The following KPNA3 variants were observed in gnomAD, a reference collection of about 807,000 sequenced individuals.
The protein encoded by KPNA3 is karyopherin subunit alpha 3, also known as importin subunit alpha-4.
Under a neutral mutation model 73.8 loss-of-function variants are expected in KPNA3, and 13 were observed. The observed-to-expected ratio is 0.18, with a 90% CI of 0.11 to 0.28. The LOEUF (loss-of-function observed/expected upper bound fraction) is 0.28. KPNA3 is among the 10% of genes least tolerant of loss of function. The pLI is 1.00. For synonymous variants in KPNA3, 186 were observed against 206.9 expected, an observed-to-expected ratio of 0.90 and a Z score of 0.87; for missense variants, 360 against 618.1, an observed-to-expected ratio of 0.58 and a Z score of 4.43.
intron 7 of KPNA3, among the ~76,000 whole-genome samples, chr13:49,723,642 C>T (rs569366619): frequency 2.6e-4 from 39 of 151,260 alleles, no homozygotes; most frequent in African/African-American, 9.0e-4. Flanking sequence ...GGAAGCGAGG[C>T]GGGCAGATCA....
chr13:49,776,119 T>C (rs181354224), intron 1 of KPNA3, among the ~76,000 whole-genome samples: 108 of 152,362 alleles, frequency 7.1e-4, no homozygotes, highest in Non-Finnish European at 8.8e-5. Context: ...TTTCGCCATG[T>C]TGACCAGGCT....
chr13:49,760,150 C>T (rs564642864), intron 1 of KPNA3, among the ~76,000 whole-genome samples: 9 of 152,184 alleles, frequency 5.9e-5, no homozygotes, highest in Admixed American at 2.6e-4. Flanking sequence ...CAGCCGGGCA[C>T]GGTGGCTCAT....
In KPNA3 at chr13:49,764,472, A is replaced by G. The variant is rs1049216167; in HGVS notation, c.70-17479T>C. 1.4e-4 allele frequency among the ~76,000 whole-genome samples: 21 copies of G among 152,126 alleles called. 1 individual carries two copies. Among genetic ancestry groups the G allele is most frequent in the Non-Finnish European group, 2.5e-4 (17 of 68,032 alleles). On this transcript the variant is annotated intron_variant, in intron 1 of 16. Coordinates refer to ENST00000261667, the MANE Select transcript of KPNA3 (RefSeq NM_002267.4). Reference sequence around the variant, plus strand: ...CCCCTTCCAAATCGTCCTTCCTCTCAGCAGAAGACCAGGCCTCATATTTAT... The same window carrying G: ...CCCCTTCCAAATCGTCCTTCCTCTCGGCAGAAGACCAGGCCTCATATTTAT...
At chr13:49,702,818 C>T (rs1053924331) in intron 15 of KPNA3, among the ~76,000 whole-genome samples, 1 of 152,172 alleles carries the variant, frequency 6.6e-6, no homozygotes, top group African/African-American at 2.4e-5. Flanking sequence ...AAGTTTGTGA[C>T]AGTACTAGAA....
At chr13:49,757,961 C>T (rs1195546445) in intron 1 of KPNA3, among the ~76,000 whole-genome samples, 2 of 152,086 alleles carry the variant, frequency 1.3e-5, no homozygotes, top group African/African-American at 4.8e-5. Flanking sequence ...TATTTTACAA[C>T]TGCATGTCAA....
At chr13:49,752,924 G>A (rs2137574319) in intron 1 of KPNA3, among the ~76,000 whole-genome samples, 1 of 150,790 alleles carries the variant, frequency 6.6e-6, no homozygotes, top group Non-Finnish European at 1.5e-5. Flanking sequence ...CTACTCGGGA[G>A]GCTGAGGCAG....
chr13:49,716,219 T>C (rs1954302884), intron 10 of KPNA3, among the ~76,000 whole-genome samples: 1 of 152,172 alleles, frequency 6.6e-6, no homozygotes, highest in Admixed American at 6.5e-5. Flanking sequence ...CTTGAACTCC[T>C]GGGCTCAAGC....
intron 9 of KPNA3, 79 bp from the exon 10 acceptor site, chr13:49,719,898 C>A: frequency 3.2e-6 from 3 of 931,692 alleles, no homozygotes; most frequent in Non-Finnish European, 5.1e-6. Context: ...ACATAAAAAG[C>A]GGTAAATATG....
chr13:49,740,191 G>C (rs554799813), intron 2 of KPNA3, among the ~76,000 whole-genome samples: 19 of 151,402 alleles, frequency 1.3e-4, no homozygotes, highest in African/African-American at 4.6e-4. Flanking sequence ...AAGTTGCAGC[G>C]AGCCAAGATT....
At chr13:49,791,190 G>T (rs1251421248) in intron 1 of KPNA3, among the ~76,000 whole-genome samples, 1 of 152,126 alleles carries the variant, frequency 6.6e-6, no homozygotes, top group Non-Finnish European at 1.5e-5. Flanking sequence ...CTACAAAATA[G>T]AACACTGAAT....
chr13:49,783,520 G>A (rs1013233712), intron 1 of KPNA3, among the ~76,000 whole-genome samples: 1 of 151,934 alleles, frequency 6.6e-6, no homozygotes, highest in African/African-American at 2.4e-5. Flanking sequence ...CTATAAAATG[G>A]CACAGTACAG....
At chr13:49,717,297 G>A (rs1954312557) in intron 10 of KPNA3, among the ~76,000 whole-genome samples, 1 of 151,988 alleles carries the variant, frequency 6.6e-6, no homozygotes, top group Non-Finnish European at 1.5e-5. Context: ...AGGGAGTGGT[G>A]GCATGCACTG....
chr13:49,734,954 T>TAGAGAGAGAGAGAGAGAG lies in KPNA3; in HGVS notation c.115-1926_115-1909dup, dbSNP rs10675449. On this transcript the variant is annotated intron_variant, in intron 2 of 16. Transcript: ENST00000261667. ...ATATATATATAGAGAGAGAGATAGATAGAGAGAGAGAGAGAGAGAGACATT... is the reference window on the plus strand; with the variant it reads ...ATATATATATAGAGAGAGAGATAGATAGAGAGAGAGAGAGAGAGAGAGAGAGAGAGAGAGAGAGACATT... Among the ~76,000 whole-genome samples the TAGAGAGAGAGAGAGAGAG allele has an allele frequency of 5.4e-3, 794 of 145,878 alleles. 12 individuals are homozygous for TAGAGAGAGAGAGAGAGAG. Among genetic ancestry groups the TAGAGAGAGAGAGAGAGAG allele is most frequent in the East Asian group, 0.011 (56 of 5,032 alleles).
intron 1 of KPNA3, among the ~76,000 whole-genome samples, chr13:49,760,038 CA>C (rs1954745782): frequency 6.6e-6 from 1 of 152,170 alleles, no homozygotes; most frequent in Non-Finnish European, 1.5e-5. Context: ...CCAATTCCCC[CA>C]AATCATCTGA....
At chr13:49,734,825 T>C (rs1954504570) in intron 2 of KPNA3, among the ~76,000 whole-genome samples, 1 of 152,054 alleles carries the variant, frequency 6.6e-6, no homozygotes, top group East Asian at 1.9e-4. Context: ...TTGTGTTTAT[T>C]CATTACTAAG....
At chr13:49,719,675 A>G in intron 10 of KPNA3, 100 bp downstream of exon 10, 1 of 818,302 alleles carries the variant, frequency 1.2e-6, no homozygotes, top group South Asian at 1.5e-5. Context: ...TACGTTGTAG[A>G]AACTTGACAA....
rs1360252935 is a variant in KPNA3 at position 49,792,514 on chromosome 13, C to G, written c.-8G>C. On this transcript the variant is annotated 5_prime_UTR_variant, in exon 1 of 17. Transcript: ENST00000261667. ...GCTGGGGTTCTCGGCCATGGCTGCG[C>G]GCGGCTCCGGCGGCGGCTACTCCTG... 3 of 1,524,550 alleles carry G rather than the reference C, an allele frequency of 2.0e-6. No homozygotes were observed. In the African/African-American group the frequency reaches 4.4e-5, roughly 22 times the overall value. The allele number at this position is 1,524,550 out of a possible 1,614,324, so 94.4% of individuals were successfully genotyped here. A position where few individuals can be genotyped will look rare whatever the true frequency, so the allele number is the denominator to read the frequency against.
chr13:49,757,300 C>G (rs1013041980), intron 1 of KPNA3, among the ~76,000 whole-genome samples: 1 of 151,390 alleles, frequency 6.6e-6, no homozygotes, highest in Non-Finnish European at 1.5e-5. Flanking sequence ...CAAGAAAGGA[C>G]TAGTATCTAG....
chr13:49,733,594 G>C (rs1954492172), intron 2 of KPNA3, among the ~76,000 whole-genome samples: 1 of 152,068 alleles, frequency 6.6e-6, no homozygotes, highest in South Asian at 2.1e-4. Flanking sequence ...TTGCCTATTT[G>C]CGTAAGTTTG....
Sources: allele counts gnomAD v4.1 joint callset (sites outside exome capture counted in the v4.1 genomes callset), GRCh38; gene constraint gnomAD v4.1.1; transcripts MANE v1.5; gene names NCBI Gene and HGNC (gene_info 2026-07-23, HGNC 2026-07-21).